CTBP1: variants seen among roughly 807,000 people sequenced by gnomAD.
CTBP1 encodes the protein C-terminal-binding protein 1.
Under a neutral mutation model 42.1 loss-of-function variants are expected in CTBP1, and 11 were observed. The observed-to-expected ratio is 0.26, with a 90% CI of 0.16 to 0.43. CTBP1 has a LOEUF of 0.43. CTBP1 is among the 20% of genes least tolerant of loss of function. CTBP1 has a pLI of 1.00. For synonymous variants in CTBP1, 324 were observed against 277.1 expected (o/e 1.17, Z -1.68); for missense variants, 399 against 624.3 (o/e 0.64, Z 3.85).
rs527371091 is a variant in CTBP1 at position 1,238,015 on chromosome 4, A to G, written c.162+168T>C. 26 of 881,918 alleles carry G rather than the reference A, an allele frequency of 2.9e-5. No individual in the cohort carries two copies. In the African/African-American group the frequency reaches 4.1e-4, roughly 14 times the overall value. The allele number at this position is 881,918 out of a possible 1,614,324, so 54.6% of individuals were successfully genotyped here. A position where few individuals can be genotyped will look rare whatever the true frequency, so the allele number is the denominator to read the frequency against. On this transcript the variant is annotated intron_variant, in intron 3 of 9. Transcript: ENST00000382952. This position sits in a 1 kb window ranked among gnomAD's most constrained non-coding sequence, Gnocchi z 5.9. The stretch of plus-strand genomic sequence containing the variant: ...CGATGTCCACCTCCTGATGGTGTCC[A>G]GGGAAAACCCCGTGTCCACCTCCTG...
rs1731434726 is a variant in CTBP1 at position 1,235,770 on chromosome 4, CCT to C, written c.162+2411_162+2412del. ...GCGCATCTCCTTGACTGCCTGGTTA[CCT>C]CTGTTTGCATGTGATGGACCCCGCA... is the stretch of plus-strand genomic sequence containing the variant. On this transcript the variant is annotated intron_variant, in intron 3 of 9. Transcript: ENST00000382952. The surrounding 1 kb of genome is among the most constrained non-coding windows in gnomAD (Gnocchi z 4.2). The C allele has an allele frequency of 6.6e-6, 1 of 152,288 alleles. No homozygotes were observed. Among genetic ancestry groups the C allele is most frequent in the South Asian group, 2.1e-4 (1 of 4,824 alleles). 9.4% of individuals were successfully genotyped at this position (152,288 alleles called of 1,614,324 possible).
intron 3 of CTBP1, among the ~76,000 whole-genome samples, chr4:1,229,048 A>C (rs900019): frequency 0.78 from 118,425 of 152,176 alleles, 47,145 homozygotes; most frequent in South Asian, 0.89. Flanking sequence ...CCCGCGAACA[A>C]AGACCTGGCA....
At chr4:1,248,031 G>T (rs891959534) in intron 1 of CTBP1, among the ~76,000 whole-genome samples, 1 of 152,248 alleles carries the variant, frequency 6.6e-6, no homozygotes, top group Non-Finnish European at 1.5e-5. Context: ...TCTCGGCCCG[G>T]GGCTCAGGCG....
At position 1,238,457 on chromosome 4, in the gene CTBP1, A is replaced by G. The variant is rs973171979; in HGVS notation, c.8-120T>C. The G allele has an allele frequency of 3.0e-5, 35 of 1,149,798 alleles. No homozygotes were observed. Among genetic ancestry groups the G allele is most frequent in the Middle Eastern group, 2.7e-4 (1 of 3,694 alleles). The allele number at this position is 1,149,798 out of a possible 1,614,324, so 71.2% of individuals were successfully genotyped here. On this transcript the variant is annotated intron_variant, in intron 2 of 9. Transcript: ENST00000382952. The surrounding 1 kb of genome is among the most constrained non-coding windows in gnomAD (Gnocchi z 5.9). Reference sequence around the variant, plus strand: ...CCGACCGCCGGGGGTTTTCTGGTCTATATGTTGTGATATTTGTAAAAAGTA... The same window carrying G: ...CCGACCGCCGGGGGTTTTCTGGTCTGTATGTTGTGATATTTGTAAAAAGTA...
Position 1,213,027 on chromosome 4 carries a change from C to T in CTBP1, c.992G>A (p.Arg331Gln), listed in dbSNP as rs1388127720. Residue 331 changes from arginine to glutamine, a missense_variant, in exon 9 of 10, where the codon CGG becomes CAG. This residue lies in a region of CTBP1 where 309 missense variants were observed against 497.5 expected (regional missense o/e 0.62). Coordinates refer to ENST00000382952, the MANE Select transcript of CTBP1 (RefSeq NM_001012614.2). ...AREIRRAITG[R>Q]IPDSLKNCVN... is the part of the protein sequence containing the mutation. ...ACAGTTCTTCAGGCTGTCTGGGATC[C>T]GGCCTGGGAGATGCAGGAGGAAGGA... 1.2e-5 allele frequency: 20 copies of T among 1,613,606 alleles called. No homozygotes were observed. The highest frequency in any genetic ancestry group is 1.7e-5 in the Non-Finnish European group (20 of 1,179,784).
At chr4:1,221,018 G>C (rs1729677824) in intron 5 of CTBP1, among the ~76,000 whole-genome samples, 1 of 152,244 alleles carries the variant, frequency 6.6e-6, no homozygotes, top group East Asian at 1.9e-4. Flanking sequence ...GGTCAAGAAA[G>C]TGAAAAGTCA....
At chr4:1,229,888 C>T (rs1730777773) in intron 3 of CTBP1, among the ~76,000 whole-genome samples, 1 of 152,194 alleles carries the variant, frequency 6.6e-6, no homozygotes, top group African/African-American at 2.4e-5. Flanking sequence ...CCACACAGAC[C>T]AGGGCCACAG....
rs917993152 is a variant in CTBP1 at position 1,233,920 on chromosome 4, C to T, written c.162+4263G>A. Among the ~76,000 whole-genome samples, 88 of 152,360 alleles carry T rather than the reference C, an allele frequency of 5.8e-4. No homozygotes were observed. The highest frequency in any genetic ancestry group is 2.0e-3 in the African/African-American group (83 of 41,584). On this transcript the variant is annotated intron_variant, in intron 3 of 9. Transcript: ENST00000382952. This position sits in a 1 kb window ranked among gnomAD's most constrained non-coding sequence, Gnocchi z 4.6. ...GCCTGGAGACAGGGAGCCTGCGGCC[C>T]CGCTGCCCTCTCCACAGCCACGAGG...
At chr4:1,223,971 G>A (rs1020758399) in intron 5 of CTBP1, among the ~76,000 whole-genome samples, 3 of 152,212 alleles carry the variant, frequency 2.0e-5, no homozygotes, top group African/African-American at 4.8e-5. Flanking sequence ...GAAGAGCGAG[G>A]GGTCGCTGAA....
At position 1,241,338 on chromosome 4, in the gene CTBP1, A is replaced by C. The variant is rs1213814955; in HGVS notation, c.-7T>G. 6.6e-6 allele frequency: 6 copies of C among 911,280 alleles called. No individual in the cohort carries two copies. Among genetic ancestry groups the C allele is most frequent in the South Asian group, 2.6e-5 (2 of 77,280 alleles). The allele number at this position is 911,280 out of a possible 1,614,324, so 56.4% of individuals were successfully genotyped here. On this transcript the variant is annotated 5_prime_UTR_variant, in exon 2 of 10. An upstream open reading frame in the 5' UTR gains an earlier in-frame stop. Transcript: ENST00000382952. ...ACCCCTACCAACCTGACATCTCTTA[A>C]TATGGGCTCAGCTTCCACGACCATG... is the stretch of plus-strand genomic sequence containing the variant.
At chr4:1,227,890 C>A (rs1418776378) in intron 4 of CTBP1, among the ~76,000 whole-genome samples, 1 of 152,218 alleles carries the variant, frequency 6.6e-6, no homozygotes, top group Non-Finnish European at 1.5e-5. Flanking sequence ...CACTGACGGC[C>A]CTGCCCTCAC....
rs1731787853 is a variant in CTBP1, at chr4:1,238,304, T to C, written c.41A>G (p.His14Arg). The part of the protein sequence containing the change: ...VRPPIMNGPL[H>R]PRPLVALLDG... Reference sequence around the variant, plus strand: ...CAGCAATGCCACCAGGGGCCGCGGGTGCAGGGGCCCGTTCATGATCGGAGG... The same window carrying C: ...CAGCAATGCCACCAGGGGCCGCGGGCGCAGGGGCCCGTTCATGATCGGAGG... Residue 14 changes from histidine to arginine, a missense_variant, in exon 3 of 10, where the codon CAC (histidine) becomes CGC (arginine). Physicochemically the swap from His to Arg is conservative, Grantham distance 29. This residue lies in a region of CTBP1 where 13 missense variants were observed against 61.5 expected (regional missense o/e 0.21). Coordinates refer to ENST00000382952, the MANE Select transcript of CTBP1 (RefSeq NM_001012614.2). This position sits in a 1 kb window ranked among gnomAD's most constrained non-coding sequence, Gnocchi z 5.9. 1 of 1,590,746 alleles carries C rather than the reference T, an allele frequency of 6.3e-7. No individual in the cohort carries two copies. Among genetic ancestry groups the C allele is most frequent in the African/African-American group, 1.3e-5 (1 of 74,308 alleles).
chr4:1,231,747 T>G (rs1158994105), intron 3 of CTBP1, among the ~76,000 whole-genome samples: 1 of 151,966 alleles, frequency 6.6e-6, no homozygotes, highest in East Asian at 1.9e-4. Flanking sequence ...AGGCCCAGGG[T>G]GGGGCTGGGC....
chr4:1,231,208 A>G (rs1730934626), intron 3 of CTBP1: 5 of 56,692 alleles, frequency 8.8e-5, no homozygotes, highest in Admixed American at 2.5e-4. Flanking sequence ...AGGGTGCCAC[A>G]GCGGCTCAGC....
At chr4:1,247,121 G>T (rs1235924285) in intron 1 of CTBP1, among the ~76,000 whole-genome samples, 6 of 152,200 alleles carry the variant, frequency 3.9e-5, no homozygotes, top group Non-Finnish European at 8.8e-5. Flanking sequence ...AATGACAAGC[G>T]AGTAAAAGGG....
At chr4:1,219,675 C>T (rs4974540) in intron 5 of CTBP1, among the ~76,000 whole-genome samples, 57,699 of 152,166 alleles carry the variant, frequency 0.38, 11,877 homozygotes, top group South Asian at 0.49. Flanking sequence ...GCAGATGACA[C>T]AGCAGTGTGT....
chr4:1,249,412 C>T (rs1560295399), upstream of CTBP1: 1 of 152,502 alleles, frequency 6.6e-6, no homozygotes, highest in Non-Finnish European at 1.5e-5. Flanking sequence ...GCCCCGAGGA[C>T]CCTGCGGGCC....
intron 1 of CTBP1, chr4:1,245,149 G>C (rs964208663): frequency 1.0e-6 from 1 of 985,304 alleles, no homozygotes; most frequent in East Asian, 1.1e-4. Context: ...TCCACGAGCC[G>C]ATACGGCACC....
chr4:1,225,706 G>A (rs1037863044), intron 4 of CTBP1, 140 bp from the exon 5 acceptor site: 8 of 856,718 alleles, frequency 9.3e-6, no homozygotes, highest in African/African-American at 3.4e-5. Flanking sequence ...ACCCCGGGAG[G>A]CCACGAGATG....
Sources: allele counts gnomAD v4.1 joint callset (sites outside exome capture counted in the v4.1 genomes callset), GRCh38; gene constraint gnomAD v4.1.1; regional missense constraint gnomAD v4.1.1; non-coding constraint Gnocchi (gnomAD v3.1); transcripts MANE v1.5; gene names NCBI Gene and HGNC (gene_info 2026-07-23, HGNC 2026-07-21).